Variants in TMEM232 observed in about 807,000 individuals in gnomAD.
TMEM232 encodes the protein transmembrane protein 232.
Under a neutral mutation model 78.8 loss-of-function variants are expected in TMEM232, and 80 were observed. The ratio of observed to expected loss-of-function variants is 1.01; its 90% confidence interval spans 0.85 to 1.22. The LOEUF (loss-of-function observed/expected upper bound fraction) is 1.22. Ranked by LOEUF, TMEM232 falls within the 50% of genes most tolerant of loss-of-function variation. The pLI, the probability that TMEM232 is intolerant of heterozygous loss-of-function variation, is 0.00. For synonymous variants in TMEM232, 297 were observed against 254.3 expected (o/e 1.17, Z -1.60); for missense variants, 881 against 742.2 (o/e 1.19, Z -2.17).
At chr5:110,437,759 G>C (rs1758593989) in intron 12 of TMEM232, among the ~76,000 whole-genome samples, 1 of 151,934 alleles carries the variant, frequency 6.6e-6, no homozygotes, top group Non-Finnish European at 1.5e-5. Flanking sequence ...AGCTACAAAG[G>C]CACTTTTGTA....
chr5:110,674,014 AG>A (rs1791711590), intron 1 of TMEM232, among the ~76,000 whole-genome samples: 1 of 148,154 alleles, frequency 6.7e-6, no homozygotes, highest in African/African-American at 2.5e-5. Flanking sequence ...AAGCAGTCTG[AG>A]GAAAAAAAAA....
At chr5:110,565,514 T>C (rs1581233153) in intron 11 of TMEM232, among the ~76,000 whole-genome samples, 1 of 152,106 alleles carries the variant, frequency 6.6e-6, no homozygotes, top group East Asian at 1.9e-4. Flanking sequence ...CTGTGAGCAT[T>C]AGAAATATCC....
At chr5:110,605,630 A>G (rs537931391) in intron 9 of TMEM232, among the ~76,000 whole-genome samples, 78 of 152,262 alleles carry the variant, frequency 5.1e-4, no homozygotes, top group Middle Eastern at 3.4e-3. Flanking sequence ...TATTTTCCAT[A>G]TCATATTCAA....
downstream of TMEM232, chr5:110,418,183 T>C (rs1037341696): frequency 1.3e-5 from 2 of 152,188 alleles, no homozygotes; most frequent in African/African-American, 4.8e-5. Flanking sequence ...CTAACACCTT[T>C]GAAAATAATT....
At chr5:110,723,551 A>C (rs939221217) in intron 1 of TMEM232, among the ~76,000 whole-genome samples, 18 of 152,170 alleles carry the variant, frequency 1.2e-4, no homozygotes, top group Non-Finnish European at 2.2e-4. Flanking sequence ...AAAATCTCAA[A>C]ATCTGTATAG....
At chr5:110,641,977 CT>C (rs35764619) in intron 3 of TMEM232, among the ~76,000 whole-genome samples, 1 of 151,986 alleles carries the variant, frequency 6.6e-6, no homozygotes, top group Non-Finnish European at 1.5e-5. Context: ...TCTCAATTAA[CT>C]TTTTTTAAAA....
intron 1 of TMEM232, among the ~76,000 whole-genome samples, chr5:110,676,718 C>T (rs939863602): frequency 2.0e-5 from 3 of 150,084 alleles, no homozygotes; most frequent in Admixed American, 6.7e-5. Context: ...GCCACCATGC[C>T]GGACCCTTCA....
At chr5:110,521,925 T>C (rs375022507) in intron 12 of TMEM232, among the ~76,000 whole-genome samples, 2 of 152,140 alleles carry the variant, frequency 1.3e-5, no homozygotes, top group Admixed American at 6.5e-5. Flanking sequence ...CTTCTCAAGA[T>C]TGATTTGGCT....
intron 1 of TMEM232, among the ~76,000 whole-genome samples, chr5:110,693,734 C>T (rs1213573074): frequency 6.6e-6 from 1 of 151,902 alleles, no homozygotes; most frequent in African/African-American, 2.4e-5. Context: ...TGAAATGAAG[C>T]AAGAAGGGAA....
At chr5:110,726,108 TCA>T (rs3985014) in intron 1 of TMEM232, among the ~76,000 whole-genome samples, 2,914 of 144,182 alleles carry the variant, frequency 0.02, 31 homozygotes, top group South Asian at 0.058. Flanking sequence ...CCTCTCTCTT[TCA>T]CACACACACA....
intron 8 of TMEM232, among the ~76,000 whole-genome samples, chr5:110,612,799 T>C (rs985837512): frequency 1.1e-4 from 16 of 152,180 alleles, no homozygotes; most frequent in African/African-American, 3.9e-4. Flanking sequence ...TTCTCAGCAG[T>C]CTTCATTGGC....
chr5:110,480,030 T>G (rs919045191), intron 12 of TMEM232, among the ~76,000 whole-genome samples: 1 of 151,920 alleles, frequency 6.6e-6, no homozygotes, highest in African/African-American at 2.4e-5. Flanking sequence ...CTTTATCATA[T>G]ATAACTTTCA....
At chr5:110,394,482 T>TA (rs1755316385) in intron 3 of TMEM232, among the ~76,000 whole-genome samples, 1 of 152,204 alleles carries the variant, frequency 6.6e-6, no homozygotes, top group Non-Finnish European at 1.5e-5. Context: ...AATAGAATTC[T>TA]GTTTTTAGTT....
At chr5:110,572,308 GC>G (rs1025723258) in intron 10 of TMEM232, among the ~76,000 whole-genome samples, 10 of 151,966 alleles carry the variant, frequency 6.6e-5, no homozygotes, top group African/African-American at 2.2e-4. Flanking sequence ...GACTGAGATT[GC>G]TGATTTGTGG....
upstream of TMEM232, among the ~76,000 whole-genome samples, chr5:110,727,958 G>T (rs1398593688): frequency 6.6e-6 from 1 of 152,112 alleles, no homozygotes; most frequent in Non-Finnish European, 1.5e-5. Context: ...TTTAATAATA[G>T]CCTGGGGGCT....
chr5:110,555,392 T>A (rs1774957887), intron 11 of TMEM232, among the ~76,000 whole-genome samples: 1 of 152,226 alleles, frequency 6.6e-6, no homozygotes, highest in African/African-American at 2.4e-5. Flanking sequence ...TTTTGTACTT[T>A]TAATTTGTTG....
At chr5:110,417,083 G>A (rs528764875), downstream of TMEM232, among the ~76,000 whole-genome samples, 9 of 152,282 alleles carry the variant, frequency 5.9e-5, no homozygotes, top group African/African-American at 9.6e-5. Flanking sequence ...TGGTTACTAA[G>A]AGAAACCTAT....
intron 5 of TMEM232, among the ~76,000 whole-genome samples, chr5:110,631,600 G>C (rs1785143732): frequency 1.3e-5 from 2 of 152,182 alleles, no homozygotes; most frequent in African/African-American, 4.8e-5. Flanking sequence ...CACCTTGTCT[G>C]GGCCTGGATA....
intron 2 of TMEM232, among the ~76,000 whole-genome samples, chr5:110,408,448 TG>T (rs1304709953): frequency 2.6e-5 from 4 of 151,768 alleles, no homozygotes; most frequent in Admixed American, 2.6e-4. Flanking sequence ...AAAAATTAGC[TG>T]GGTATGGTGG....
Sources: gnomAD v4.1 joint callset for allele counts (sites outside exome capture counted in the v4.1 genomes callset) on GRCh38, gnomAD v4.1.1 for gene constraint, MANE v1.5 for transcripts, NCBI Gene and HGNC (gene_info 2026-07-23, HGNC 2026-07-21) for gene names.